The following IQCH variants were observed in gnomAD, a reference collection of about 807,000 sequenced individuals.
The protein encoded by IQCH is IQ domain-containing protein H.
In IQCH, 98 loss-of-function variants were observed where a neutral mutation model predicts 117.0. The ratio of observed to expected loss-of-function variants is 0.84; its 90% CI spans 0.71 to 0.99. The LOEUF is 0.99. IQCH is among the 50% of genes least tolerant of loss of function. IQCH has a pLI of 0.00. For missense variants in IQCH, 1,102 were observed against 1,243.8 expected (o/e 0.89, Z 1.72); for synonymous variants, 412 against 448.2 (o/e 0.92, Z 1.02).
In IQCH at chr15:67,473,666, T is replaced by A; in HGVS notation, c.2677-2030T>A. Among the ~76,000 whole-genome samples the A allele has an allele frequency of 6.6e-6, 1 of 152,324 alleles. No homozygotes were observed. The highest frequency in any genetic ancestry group is 1.9e-4 in the East Asian group (1 of 5,190). ...ACCAAGTGCCTGTTCTGTGCTGGTA[T>A]CATGCCCAAACTGGAGATTCAGAAA... On this transcript the variant is annotated intron_variant, in intron 17 of 20. Coordinates refer to ENST00000335894, the MANE Select transcript of IQCH (RefSeq NM_001031715.3). The surrounding 1 kb of genome is among the most constrained non-coding windows in gnomAD (Gnocchi z 4.9).
chr15:67,375,867 T>A (rs11633857), intron 10 of IQCH, among the ~76,000 whole-genome samples: 67,990 of 148,276 alleles, frequency 0.46, 16,056 homozygotes, highest in Non-Finnish European at 0.52. Context: ...GCTCAGTGCA[T>A]TCTCCGCCTC....
rs145942159 is a variant in IQCH, at chr15:67,454,025, G to A, written c.2506-11102G>A. Reference sequence around the variant, plus strand: ...AGACTCCTTGGGTGTAGGACCCTCTGAGCCATGTGAGGGATATAATCTCCT... The same window carrying A: ...AGACTCCTTGGGTGTAGGACCCTCTAAGCCATGTGAGGGATATAATCTCCT... On this transcript the variant is annotated intron_variant, in intron 16 of 20. Transcript: ENST00000335894. This position sits in a 1 kb window ranked among gnomAD's most constrained non-coding sequence, Gnocchi z 5.2. 2.9e-4 allele frequency among the ~76,000 whole-genome samples: 44 copies of A among 152,346 alleles called. No homozygotes were observed. The highest frequency in any genetic ancestry group is 6.3e-4 in the Non-Finnish European group (43 of 68,032).
chr15:67,400,442 CT>C, intron 14 of IQCH, 137 bp downstream of exon 14: 6 of 573,720 alleles, frequency 1.0e-5, no homozygotes, highest in South Asian at 2.6e-5. Context: ...TTCTTGGGAC[CT>C]TTTTCCTTAT....
At chr15:67,266,497 T>C (rs202121807) in intron 3 of IQCH, among the ~76,000 whole-genome samples, 1 of 151,824 alleles carries the variant, frequency 6.6e-6, no homozygotes, top group Admixed American at 6.6e-5. Flanking sequence ...TCTATTAAAA[T>C]ACAAAAAAAA....
rs79998839 is a variant in IQCH at position 67,259,382 on chromosome 15, G to A, written c.52-1890G>A. ...CCTCATTTTCATTCAACAGTTTTAA[G>A]TAGGGTAATTCTTTTTTATCCTGGA... On this transcript the variant is annotated intron_variant, in intron 1 of 20. Coordinates refer to ENST00000335894, the MANE Select transcript of IQCH (RefSeq NM_001031715.3). Among the ~76,000 whole-genome samples the A allele has an allele frequency of 1.1e-3, 161 of 152,308 alleles. 1 individual carries two copies. In the East Asian group the frequency reaches 0.026, roughly 24 times the overall value.
intron 16 of IQCH, among the ~76,000 whole-genome samples, chr15:67,464,663 C>G (rs1011678458): frequency 2.0e-5 from 3 of 152,126 alleles, no homozygotes; most frequent in African/African-American, 7.2e-5. Flanking sequence ...TTGAGGCTCC[C>G]AGAGGGGCTG....
rs1782856254 is a variant in IQCH at position 67,393,212 on chromosome 15, G to T, written c.1633-2079G>T. On this transcript the variant is annotated intron_variant, in intron 12 of 20. Transcript: ENST00000335894. This position sits in a 1 kb window ranked among gnomAD's most constrained non-coding sequence, Gnocchi z 5.5. ...TTTGAATATGAGAAATTGAGACTCA[G>T]AAAGGTTGAGTTTTCTAAATCACCT... Among the ~76,000 whole-genome samples the T allele has an allele frequency of 6.6e-6, 1 of 152,218 alleles. No homozygotes were observed. The highest frequency in any genetic ancestry group is 2.4e-5 in the African/African-American group (1 of 41,464).
Position 67,424,609 on chromosome 15 carries a change from TGGA to T in IQCH, c.2505+3037_2505+3039del, listed in dbSNP as rs1197258003. Among the ~76,000 whole-genome samples, 2 of 152,198 alleles carry T rather than the reference TGGA, an allele frequency of 1.3e-5. No individual in the cohort carries two copies. Among genetic ancestry groups the T allele is most frequent in the Non-Finnish European group, 2.9e-5 (2 of 68,038 alleles). ...ATTTGTTGACTGAATGAATGAACAA[TGGA>T]GGAGTTCTAGCAGATGCTGGATGGT... is the stretch of plus-strand genomic sequence containing the variant. On this transcript the variant is annotated intron_variant, in intron 16 of 20. Transcript: ENST00000335894. This position sits in a 1 kb window ranked among gnomAD's most constrained non-coding sequence, Gnocchi z 4.9.
At chr15:67,313,451 C>A (rs1967698330) in intron 4 of IQCH, among the ~76,000 whole-genome samples, 1 of 152,088 alleles carries the variant, frequency 6.6e-6, no homozygotes, top group African/African-American at 2.4e-5. Flanking sequence ...TCATTTGGTT[C>A]CTTGTGGAAC....
rs558785924 is a variant in IQCH, at chr15:67,463,938, G to A, written c.2506-1189G>A. Among the ~76,000 whole-genome samples, 1 of 152,264 alleles carries A rather than the reference G, an allele frequency of 6.6e-6. No individual in the cohort carries two copies. Among genetic ancestry groups the A allele is most frequent in the African/African-American group, 2.4e-5 (1 of 41,536 alleles). On this transcript the variant is annotated intron_variant, in intron 16 of 20. Coordinates refer to ENST00000335894, the MANE Select transcript of IQCH (RefSeq NM_001031715.3). This position sits in a 1 kb window ranked among gnomAD's most constrained non-coding sequence, Gnocchi z 4.0. ...GCTCACTGAAACCTCTGCCTCCTGG[G>A]TTCAAGCGATTCTCGTGCCTCAGCC...
At chr15:67,282,217 T>A (rs191080335) in intron 4 of IQCH, 1 of 152,880 alleles carries the variant, frequency 6.5e-6, no homozygotes, top group Non-Finnish European at 1.5e-5. Context: ...TTTACCTGTT[T>A]GCCAAGAATC....
rs200279978 is a variant in IQCH at position 67,261,304 on chromosome 15, A to G, written c.84A>G (p.Lys28=). Residue 28 remains lysine (K), a synonymous_variant, in exon 2 of 21, where the codon AAA becomes AAG. Transcript: ENST00000335894. The part of the protein sequence containing the change: ...IHEDLYQLKE[K]LTKFSPEEKG... Reference sequence around the variant, plus strand: ...AAGACCTTTATCAGTTAAAGGAGAAATTAACAAAATTCTCACCTGAGGAAA... The same window carrying G: ...AAGACCTTTATCAGTTAAAGGAGAAGTTAACAAAATTCTCACCTGAGGAAA... 3 of 1,568,140 alleles carry G rather than the reference A, an allele frequency of 1.9e-6. No homozygotes were observed. Among genetic ancestry groups the G allele is most frequent in the South Asian group, 2.4e-5 (2 of 84,916 alleles).
chr15:67,321,446 T>G (rs1968115641), intron 4 of IQCH, among the ~76,000 whole-genome samples: 1 of 151,200 alleles, frequency 6.6e-6, no homozygotes, highest in South Asian at 2.1e-4. Context: ...TTTCTTTTCT[T>G]TCTTTCCTTC....
intron 1 of IQCH, 58 bp from the exon 2 acceptor site, chr15:67,261,214 T>C: frequency 8.2e-7 from 1 of 1,215,922 alleles, no homozygotes; most frequent in Non-Finnish European, 1.1e-6. Flanking sequence ...GATAAATAAC[T>C]GCTATAGGTG....
intron 20 of IQCH, among the ~76,000 whole-genome samples, chr15:67,498,068 C>T (rs981242265): frequency 1.3e-5 from 2 of 151,966 alleles, no homozygotes; most frequent in Admixed American, 6.6e-5. Context: ...TCAAAAAGAA[C>T]GAAGTTGGAG....
chr15:67,316,482 C>T (rs1000638267), intron 4 of IQCH, among the ~76,000 whole-genome samples: 7 of 152,192 alleles, frequency 4.6e-5, no homozygotes, highest in African/African-American at 1.7e-4. Context: ...CACCAACTTT[C>T]TACCATCTTG....
intron 16 of IQCH, among the ~76,000 whole-genome samples, chr15:67,444,027 C>T (rs1596388733): frequency 6.6e-6 from 1 of 152,236 alleles, no homozygotes; most frequent in South Asian, 2.1e-4. Context: ...TTCTTTCTCT[C>T]ACAACAAATA....
intron 4 of IQCH, among the ~76,000 whole-genome samples, chr15:67,325,613 T>TA (rs1378514101): frequency 1.3e-5 from 2 of 152,126 alleles, no homozygotes; most frequent in African/African-American, 4.8e-5. Flanking sequence ...ACATTATACT[T>TA]ACGATACTTT....
intron 4 of IQCH, among the ~76,000 whole-genome samples, chr15:67,319,484 T>TGAA (rs1968011509): frequency 6.6e-6 from 1 of 152,228 alleles, no homozygotes; most frequent in Admixed American, 6.5e-5. Context: ...GATCGAAGTC[T>TGAA]GTTTCCTTTG....
Sources: allele counts gnomAD v4.1 joint callset (sites outside exome capture counted in the v4.1 genomes callset), GRCh38; gene constraint gnomAD v4.1.1; non-coding constraint Gnocchi (gnomAD v3.1); transcripts MANE v1.5; gene names NCBI Gene and HGNC (gene_info 2026-07-23, HGNC 2026-07-21).